Variants in CELF6 observed in about 807,000 individuals in gnomAD.
The protein encoded by CELF6 is Bruno -like 6, RNA binding protein.
In CELF6, 32 loss-of-function variants were observed where a neutral mutation model predicts 53.1. The observed-to-expected ratio is 0.60, with a 90% CI of 0.46 to 0.81. The LOEUF is 0.81. Among genes scored for constraint, CELF6 ranks in the 30% least tolerant of loss-of-function variants. The probability of loss-of-function intolerance (pLI) is 0.00; values close to 1 mark genes in which losing one functional copy is unlikely to be tolerated. For synonymous variants in CELF6, 291 were observed against 288.8 expected (o/e 1.01, Z -0.08); for missense variants, 539 against 669.5 (o/e 0.81, Z 2.15).
At chr15:72,317,133 C>T (rs1183726609) in intron 1 of CELF6, among the ~76,000 whole-genome samples, 3 of 152,182 alleles carry the variant, frequency 2.0e-5, no homozygotes, top group Non-Finnish European at 2.9e-5. Flanking sequence ...ATGCAGGAAT[C>T]AAGTCATATG....
At chr15:72,301,718 C>T (rs910859368) in intron 3 of CELF6, among the ~76,000 whole-genome samples, 12 of 148,138 alleles carry the variant, frequency 8.1e-5, no homozygotes, top group Non-Finnish European at 1.5e-4. Context: ...AAATCCAATA[C>T]CATTTTAAAA....
Position 72,289,290 on chromosome 15 carries a change from G to A in CELF6, c.881-3C>T, listed in dbSNP as rs748639894. ...GCTGCCAGGCGGGGAGTTGGCTGCT[G>A]ATGGCGGAAAAGGTCTGAGAGTCAG... On this transcript the variant is annotated splice_polypyrimidine_tract_variant and splice_region_variant and intron_variant, in intron 7 of 12. Coordinates refer to ENST00000287202, the MANE Select transcript of CELF6 (RefSeq NM_052840.5). This position sits in a 1 kb window ranked among gnomAD's most constrained non-coding sequence, Gnocchi z 7.6. 5.7e-6 allele frequency: 9 copies of A among 1,566,576 alleles called. No homozygotes were observed. The South Asian group carries it at 1.0e-4, about 18-fold the overall frequency.
intron 3 of CELF6, among the ~76,000 whole-genome samples, chr15:72,303,834 A>G (rs1345818937): frequency 1.3e-5 from 2 of 152,036 alleles, no homozygotes; most frequent in African/African-American, 4.8e-5. Flanking sequence ...CAGGCTCTCT[A>G]ACCGTCCTAT....
chr15:72,309,741 T>C (rs1257057633), intron 2 of CELF6, among the ~76,000 whole-genome samples: 2 of 152,064 alleles, frequency 1.3e-5, no homozygotes, highest in African/African-American at 2.4e-5. Context: ...GACATGGCAG[T>C]GGGATAATCA....
In CELF6 at chr15:72,289,195, T is replaced by G; in HGVS notation, c.973A>C (p.Thr325Pro). The G allele has an allele frequency of 6.4e-7, 1 of 1,569,046 alleles. No homozygotes were observed. Among genetic ancestry groups the G allele is most frequent in the Non-Finnish European group, 8.6e-7 (1 of 1,166,378 alleles). The change falls in exon 8 of 13, where the codon ACC becomes CCC. Residue 325 changes from threonine (T) to proline (P), a missense_variant. Thr to Pro is a conservative substitution (Grantham distance 38, BLOSUM62 -1). Around this residue, in one of 3 missense-constraint regions of CELF6, gnomAD observed 358 missense variants for 412.8 expected, o/e 0.87. Transcript: ENST00000287202. The surrounding 1 kb of genome is among the most constrained non-coding windows in gnomAD (Gnocchi z 7.6). ...VNGFGPLTPQ[T>P]NGQPGSDTLY... Reference sequence around the variant, plus strand: ...GTGTCGGAGCCCGGCTGGCCATTGGTCTGGGGGGTCAGAGGGCCGAATCCA... The same window carrying G: ...GTGTCGGAGCCCGGCTGGCCATTGGGCTGGGGGGTCAGAGGGCCGAATCCA...
In CELF6 at chr15:72,319,490, G is replaced by C; in HGVS notation, c.262+123C>G. On this transcript the variant is annotated intron_variant, in intron 1 of 12. Coordinates refer to ENST00000287202, the MANE Select transcript of CELF6 (RefSeq NM_052840.5). This position sits in a 1 kb window ranked among gnomAD's most constrained non-coding sequence, Gnocchi z 5.0. ...GATCTGGGAAGGGGGCTGGGCTGAG[G>C]TGGGGCTGATATTGGACTGGTGTTG... 2 of 1,074,548 alleles carry C rather than the reference G, an allele frequency of 1.9e-6. No individual in the cohort carries two copies. Among genetic ancestry groups the C allele is most frequent in the Non-Finnish European group, 2.6e-6 (2 of 769,282 alleles). 66.6% of individuals were successfully genotyped at this position (1,074,548 alleles called of 1,614,324 possible). A position where few individuals can be genotyped will look rare whatever the true frequency, so the allele number is the denominator to read the frequency against.
At chr15:72,296,654 G>A (rs182818675) in intron 3 of CELF6, among the ~76,000 whole-genome samples, 35 of 152,310 alleles carry the variant, frequency 2.3e-4, no homozygotes, top group Non-Finnish European at 3.7e-4. Flanking sequence ...AGATGTTTCT[G>A]CAAAGAAGAA....
At position 72,289,577 on chromosome 15, in the gene CELF6, G is replaced by T; in HGVS notation, c.747+50C>A. The T allele has an allele frequency of 6.8e-7, 1 of 1,477,200 alleles. No homozygotes were observed. The highest frequency in any genetic ancestry group is 8.9e-7 in the Non-Finnish European group (1 of 1,120,896). The allele number at this position is 1,477,200 out of a possible 1,614,324, so 91.5% of individuals were successfully genotyped here. A position where few individuals can be genotyped will look rare whatever the true frequency, so the allele number is the denominator to read the frequency against. ...CAGCTGCCCGTGCTCTCAGCCCCAG[G>T]CCTGGCCCACCCACCTGCGCGCCCT... On this transcript the variant is annotated intron_variant, in intron 6 of 12. Transcript: ENST00000287202. The surrounding 1 kb of genome is among the most constrained non-coding windows in gnomAD (Gnocchi z 7.6).
intron 3 of CELF6, among the ~76,000 whole-genome samples, chr15:72,292,519 G>T (rs2088019122): frequency 6.6e-6 from 1 of 152,182 alleles, no homozygotes; most frequent in African/African-American, 2.4e-5. Flanking sequence ...GAAAAATGGT[G>T]ATGGCACCCC....
In CELF6 at chr15:72,319,860, C is replaced by T. The variant is rs1420808546; in HGVS notation, c.15G>A (p.Pro5=). 2 of 1,508,328 alleles carry T rather than the reference C, an allele frequency of 1.3e-6. No homozygotes were observed. The highest frequency in any genetic ancestry group is 1.8e-6 in the Non-Finnish European group (2 of 1,128,414). The allele number at this position is 1,508,328 out of a possible 1,614,324, so 93.4% of individuals were successfully genotyped here. A position where few individuals can be genotyped will look rare whatever the true frequency, so the allele number is the denominator to read the frequency against. Residue 5 remains proline (P), a synonymous_variant, in exon 1 of 13, where the codon CCG becomes CCA. Coordinates refer to ENST00000287202, the MANE Select transcript of CELF6 (RefSeq NM_052840.5). This position sits in a 1 kb window ranked among gnomAD's most constrained non-coding sequence, Gnocchi z 5.0. ...GGCCAGCGGGCTGCGCTGACCCTCC[C>T]GGCGCCGCGGCCATGTCCCCGCCCT... is the stretch of plus-strand genomic sequence containing the variant. The part of the protein sequence containing the change: MAAA[P]GGSAQPAGPG...
intron 1 of CELF6, among the ~76,000 whole-genome samples, chr15:72,317,024 G>C (rs1241288989): frequency 6.6e-6 from 1 of 152,208 alleles, no homozygotes; most frequent in Non-Finnish European, 1.5e-5. Flanking sequence ...AGAGGGAAAA[G>C]CATATATGAA....
intron 2 of CELF6, chr15:72,306,260 G>A: frequency 1.0e-6 from 1 of 985,186 alleles, no homozygotes; most frequent in Non-Finnish European, 1.2e-6. Context: ...GCAGGCAGCT[G>A]AGTGCCAGGA....
At chr15:72,297,849 A>G (rs2088100073) in intron 3 of CELF6, among the ~76,000 whole-genome samples, 1 of 152,214 alleles carries the variant, frequency 6.6e-6, no homozygotes, top group African/African-American at 2.4e-5. Flanking sequence ...TAGTAACTGT[A>G]CCCCTAAAAG....
At position 72,288,251 on chromosome 15, in the gene CELF6, T is replaced by C. The variant is rs1200562171; in HGVS notation, c.1318+57A>G. 1.3e-6 allele frequency: 2 copies of C among 1,571,862 alleles called. No individual in the cohort carries two copies. Among genetic ancestry groups the C allele is most frequent in the Non-Finnish European group, 1.8e-6 (2 of 1,141,840 alleles). On this transcript the variant is annotated intron_variant, in intron 11 of 12. Coordinates refer to ENST00000287202, the MANE Select transcript of CELF6 (RefSeq NM_052840.5). The surrounding 1 kb of genome is among the most constrained non-coding windows in gnomAD (Gnocchi z 4.6). The stretch of plus-strand genomic sequence containing the variant: ...TATGGAAGGGCAATCGTAGGGTCTG[T>C]AGGAAATCCTTTATAGTCAGAGGTG...
chr15:72,289,327 G>T lies in CELF6; in HGVS notation c.881-40C>A. 1.3e-6 allele frequency: 2 copies of T among 1,525,856 alleles called. No individual in the cohort carries two copies. The highest frequency in any genetic ancestry group is 1.8e-6 in the Non-Finnish European group (2 of 1,141,344). The allele number at this position is 1,525,856 out of a possible 1,614,324, so 94.5% of individuals were successfully genotyped here. ...GGTCTGAGAGTCAGGCCGCCACCCC[G>T]CCCCGCCCGGCCCCTCCCAGGCGCG... On this transcript the variant is annotated intron_variant, in intron 7 of 12. Coordinates refer to ENST00000287202, the MANE Select transcript of CELF6 (RefSeq NM_052840.5). The surrounding 1 kb of genome is among the most constrained non-coding windows in gnomAD (Gnocchi z 7.6).
chr15:72,317,822 G>A (rs1173977008), intron 1 of CELF6, among the ~76,000 whole-genome samples: 1 of 152,204 alleles, frequency 6.6e-6, no homozygotes, highest in African/African-American at 2.4e-5. Flanking sequence ...CTGTCTGAAA[G>A]GCTCAGGGGC....
Position 72,319,849 on chromosome 15 carries a change from G to C in CELF6, c.26C>G (p.Ala9Gly). 6.5e-7 allele frequency: 1 copy of C among 1,532,628 alleles called. No individual in the cohort carries two copies. Among genetic ancestry groups the C allele is most frequent in the Non-Finnish European group, 8.8e-7 (1 of 1,138,326 alleles). The allele number at this position is 1,532,628 out of a possible 1,614,324, so 94.9% of individuals were successfully genotyped here. The part of the protein sequence containing the change: MAAAPGGS[A>G]QPAGPGPRLG... ...GCGCGGGCCGGGGCCAGCGGGCTGC[G>C]CTGACCCTCCCGGCGCCGCGGCCAT... The change falls in exon 1 of 13, where the codon GCG (alanine) becomes GGG (glycine). Residue 9 changes from alanine (A) to glycine (G), a missense_variant. Coordinates refer to ENST00000287202, the MANE Select transcript of CELF6 (RefSeq NM_052840.5). The surrounding 1 kb of genome is among the most constrained non-coding windows in gnomAD (Gnocchi z 5.0).
At chr15:72,296,034 A>G (rs980868843) in intron 3 of CELF6, among the ~76,000 whole-genome samples, 1 of 152,252 alleles carries the variant, frequency 6.6e-6, no homozygotes, top group Non-Finnish European at 1.5e-5. Flanking sequence ...AGATAAATAT[A>G]TAGACCAATG....
chr15:72,294,048 C>T (rs568439595), intron 3 of CELF6, among the ~76,000 whole-genome samples: 2 of 152,284 alleles, frequency 1.3e-5, no homozygotes, highest in East Asian at 1.9e-4. Context: ...AGGCCCATCT[C>T]CATGAAGCTG....
Sources: gnomAD v4.1 joint callset for allele counts (sites outside exome capture counted in the v4.1 genomes callset) on GRCh38, gnomAD v4.1.1 for gene constraint, gnomAD v4.1.1 regional missense constraint, Gnocchi (gnomAD v3.1) non-coding constraint, MANE v1.5 for transcripts, NCBI Gene and HGNC (gene_info 2026-07-23, HGNC 2026-07-21) for gene names.